DNMT3A: variants seen among roughly 807,000 people sequenced by gnomAD.
DNMT3A encodes DNA (cytosine-5)-methyltransferase 3A.
A neutral mutation model predicts 117.6 loss-of-function variants in DNMT3A; 267 were observed. The observed-to-expected ratio is 2.27, with a 90% CI of 2.05 to 2.51. The LOEUF (loss-of-function observed/expected upper bound fraction) is 2.51, where lower values mean the gene tolerates loss of function less well. Among genes scored for constraint, DNMT3A ranks in the 30% most tolerant of loss-of-function variants. DNMT3A has a pLI of 0.00. For missense variants in DNMT3A, 1,029 were observed against 1,260.2 expected, an observed-to-expected ratio of 0.82 and a Z score of 2.78; for synonymous variants, 432 against 474.8, an observed-to-expected ratio of 0.91 and a Z score of 1.17.
chr2:25,300,329 C>G, intron 2 of DNMT3A, 86 bp from the exon 3 acceptor site: 3 of 1,441,330 alleles, frequency 2.1e-6, no homozygotes, highest in Non-Finnish European at 2.8e-6. Context: ...GCCCTGGCTT[C>G]CCTTCCAGCC....
intron 20 of DNMT3A, among the ~76,000 whole-genome samples, chr2:25,238,707 C>A (rs938344076): frequency 2.6e-5 from 4 of 152,176 alleles, no homozygotes; most frequent in Non-Finnish European, 4.4e-5. Context: ...CCTGAACTTG[C>A]ATGCAGCCGC....
intron 1 of DNMT3A, 113 bp from the exon 2 acceptor site, chr2:25,314,274 T>G: frequency 2.4e-6 from 3 of 1,262,538 alleles, no homozygotes; most frequent in Non-Finnish European, 3.0e-6. Flanking sequence ...CTCCTCCTTC[T>G]GGCCTCACCA....
At position 25,257,086 on chromosome 2, in the gene DNMT3A, C is replaced by G. The variant is rs1355687618; in HGVS notation, c.640-8834G>C. ...AAAGAGGCTGGGAATCTTTGTTTTCCTATTCCCTTGCAATCCATATGGAGG... is the reference window on the plus strand; with the variant it reads ...AAAGAGGCTGGGAATCTTTGTTTTCGTATTCCCTTGCAATCCATATGGAGG... On this transcript the variant is annotated intron_variant, in intron 6 of 22. Transcript: ENST00000321117. The surrounding 1 kb of genome is among the most constrained non-coding windows in gnomAD (Gnocchi z 4.8). 6.6e-6 allele frequency among the ~76,000 whole-genome samples: 1 copy of G among 152,190 alleles called. No homozygotes were observed. Among genetic ancestry groups the G allele is most frequent in the Non-Finnish European group, 1.5e-5 (1 of 68,040 alleles).
At chr2:25,316,124 C>A (rs554253127) in intron 1 of DNMT3A, among the ~76,000 whole-genome samples, 1 of 152,220 alleles carries the variant, frequency 6.6e-6, no homozygotes, top group Non-Finnish European at 1.5e-5. Context: ...GACAGGGCAC[C>A]CCAAATGGAG....
chr2:25,240,622 G>A lies in DNMT3A; in HGVS notation c.2173+18C>T, dbSNP rs1673899560. The A allele has an allele frequency of 6.2e-7, 1 of 1,613,812 alleles. No individual in the cohort carries two copies. The highest frequency in any genetic ancestry group is 2.2e-5 in the East Asian group (1 of 44,882). ...GAAGCACCAGCTGAGAAGGTGGAGG[G>A]GACAGGATGGTACCTACCGTAGAGG... On this transcript the variant is annotated intron_variant, in intron 18 of 22. Coordinates refer to ENST00000321117, the MANE Select transcript of DNMT3A (RefSeq NM_022552.5).
intron 6 of DNMT3A, among the ~76,000 whole-genome samples, chr2:25,262,774 C>A (rs1011001048): frequency 7.3e-6 from 1 of 136,510 alleles, no homozygotes; most frequent in Non-Finnish European, 1.6e-5. Flanking sequence ...GGCAGGAAGA[C>A]CACTGAGGAT....
chr2:25,274,569 C>T (rs553580717), intron 6 of DNMT3A, among the ~76,000 whole-genome samples: 4 of 152,332 alleles, frequency 2.6e-5, no homozygotes, highest in Admixed American at 6.5e-5. Context: ...GCCAGCTCTT[C>T]GGTTCCTTCA....
At chr2:25,275,384 G>T in intron 5 of DNMT3A, 116 bp downstream of exon 5, 2 of 1,414,088 alleles carry the variant, frequency 1.4e-6, no homozygotes, top group South Asian at 1.3e-5. Context: ...CCTTCCCACA[G>T]AGGGATGTGT....
In DNMT3A at chr2:25,234,228, T is replaced by C. The variant is rs563374407; in HGVS notation, c.*51A>G. Reference sequence around the variant, plus strand: ...GGTGTTTTATTATGTTTTGTGTTTTTTGTTTGTTTGTTTAACTTTGTGTCG... The same window carrying C: ...GGTGTTTTATTATGTTTTGTGTTTTCTGTTTGTTTGTTTAACTTTGTGTCG... On this transcript the variant is annotated 3_prime_UTR_variant, in exon 23 of 23. Coordinates refer to ENST00000321117, the MANE Select transcript of DNMT3A (RefSeq NM_022552.5). The surrounding 1 kb of genome is among the most constrained non-coding windows in gnomAD (Gnocchi z 4.5). The C allele has an allele frequency of 6.4e-7, 1 of 1,566,398 alleles. No individual in the cohort carries two copies.
At chr2:25,264,742 G>A (rs1272976054) in intron 6 of DNMT3A, among the ~76,000 whole-genome samples, 3 of 152,274 alleles carry the variant, frequency 2.0e-5, no homozygotes, top group East Asian at 1.9e-4. Context: ...GATTACAGGC[G>A]TGAGCCACCA....
intron 2 of DNMT3A, among the ~76,000 whole-genome samples, chr2:25,301,552 C>T (rs886197336): frequency 3.3e-5 from 5 of 152,304 alleles, no homozygotes; most frequent in African/African-American, 9.6e-5. Context: ...TGGGCCCTGA[C>T]ATGCTTGTCT....
intron 6 of DNMT3A, among the ~76,000 whole-genome samples, chr2:25,262,926 G>C (rs1406760748): frequency 1.3e-5 from 2 of 152,034 alleles, no homozygotes; most frequent in African/African-American, 4.8e-5. Context: ...TCCTTTTCCT[G>C]AAATGCCTTC....
At chr2:25,318,568 G>T (rs2034469601) in intron 1 of DNMT3A, among the ~76,000 whole-genome samples, 1 of 152,122 alleles carries the variant, frequency 6.6e-6, no homozygotes, top group African/African-American at 2.4e-5. Flanking sequence ...TTACAGGTGT[G>T]AGCCACCGTG....
intron 2 of DNMT3A, among the ~76,000 whole-genome samples, chr2:25,310,842 TC>T (rs1306792437): frequency 3.3e-5 from 5 of 152,076 alleles, no homozygotes; most frequent in Non-Finnish European, 7.4e-5. Flanking sequence ...CTGGGTCCCA[TC>T]CCCCGAGTTC....
rs1324862377 is a variant in DNMT3A, at chr2:25,233,373, C to T, written c.*906G>A. The T allele has an allele frequency of 8.6e-6, 2 of 233,568 alleles. No individual in the cohort carries two copies. Among genetic ancestry groups the T allele is most frequent in the Middle Eastern group, 1.2e-3 (1 of 808 alleles). 14.5% of individuals were successfully genotyped at this position (233,568 alleles called of 1,614,324 possible). On this transcript the variant is annotated 3_prime_UTR_variant, in exon 23 of 23. Transcript: ENST00000321117. ...GTGAAACCCTTTGCGCAGAAGGCAACGTGGAAGCTGATGTTTTTACTCATC... is the reference window on the plus strand; with the variant it reads ...GTGAAACCCTTTGCGCAGAAGGCAATGTGGAAGCTGATGTTTTTACTCATC...
chr2:25,238,998 G>A (rs934492415), intron 20 of DNMT3A, 132 bp downstream of exon 20: 22 of 699,058 alleles, frequency 3.1e-5, no homozygotes, highest in Admixed American at 1.4e-4. Context: ...AGGAAATAAG[G>A]AACATGGCAG....
chr2:25,239,489 A>C, intron 19 of DNMT3A: 1 of 594,378 alleles, frequency 1.7e-6, no homozygotes, highest in South Asian at 1.5e-5. Context: ...CCACTAGCCC[A>C]CTAGTACAGG....
chr2:25,272,803 CTTTT>C (rs1217338234), intron 6 of DNMT3A, among the ~76,000 whole-genome samples: 1 of 130,692 alleles, frequency 7.7e-6, no homozygotes, highest in Non-Finnish European at 1.7e-5. Context: ...TGCACTTTCT[CTTTT>C]TTTTTTTTTT....
Position 25,293,497 on chromosome 2 carries a change from CTTCT to C in DNMT3A, c.177+6638_177+6641del, listed in dbSNP as rs1441770320. ...TCCAATCAAGATTGAGAAGATTTTT[CTTCT>C]TTCTTTGAGACAGGGTTTTGCTCTG... On this transcript the variant is annotated intron_variant, in intron 3 of 22. Transcript: ENST00000321117. This position sits in a 1 kb window ranked among gnomAD's most constrained non-coding sequence, Gnocchi z 4.7. 6.6e-6 allele frequency among the ~76,000 whole-genome samples: 1 copy of C among 152,102 alleles called. No individual in the cohort carries two copies. The highest frequency in any genetic ancestry group is 1.5e-5 in the Non-Finnish European group (1 of 68,016).
Sources: gnomAD v4.1 joint callset for allele counts (sites outside exome capture counted in the v4.1 genomes callset) on GRCh38, gnomAD v4.1.1 for gene constraint, Gnocchi (gnomAD v3.1) non-coding constraint, MANE v1.5 for transcripts, NCBI Gene and HGNC (gene_info 2026-07-23, HGNC 2026-07-21) for gene names.